The following ERBB4 variants were observed in gnomAD, a reference collection of about 807,000 sequenced individuals.
ERBB4 encodes receptor tyrosine-protein kinase erbB-4.
A neutral mutation model predicts 158.0 loss-of-function variants in ERBB4; 42 were observed. The ratio of observed to expected loss-of-function variants is 0.27; its 90% confidence interval spans 0.21 to 0.34. The LOEUF (loss-of-function observed/expected upper bound fraction) is 0.34, where lower values mean the gene tolerates loss of function less well. ERBB4 is among the 10% of genes least tolerant of loss of function. The pLI is 1.00. For synonymous variants in ERBB4, 583 were observed against 558.7 expected (o/e 1.04, Z -0.61); for missense variants, 1,333 against 1,624.1 (o/e 0.82, Z 3.08).
At position 211,702,008 on chromosome 2, in the gene ERBB4, T is replaced by C; in HGVS notation, c.1448A>G (p.Gln483Arg). The change falls in exon 12 of 28, where the codon CAG becomes CGG. Residue 483 changes from glutamine (Q) to arginine (R), a missense_variant. Gln to Arg is a conservative substitution (Grantham distance 43, BLOSUM62 1). Transcript: ENST00000342788. Reference sequence around the variant, plus strand: ...TCTGTTGTCCCGGATTACTATTCTCTGGTTGATTGTGCTGAAGAGTGTTGT... The same window carrying C: ...TCTGTTGTCCCGGATTACTATTCTCCGGTTGATTGTGCTGAAGAGTGTTGT... ...NWTTLFSTIN[Q>R]RIVIRDNRKA... 6.2e-7 allele frequency: 1 copy of C among 1,614,050 alleles called. No individual in the cohort carries two copies. Among genetic ancestry groups the C allele is most frequent in the Non-Finnish European group, 8.5e-7 (1 of 1,179,926 alleles).
chr2:211,599,018 T>G lies in ERBB4; in HGVS notation c.2301+20159A>C, dbSNP rs569862821. Among the ~76,000 whole-genome samples, 9 of 152,300 alleles carry G rather than the reference T, an allele frequency of 5.9e-5. No individual in the cohort carries two copies. The East Asian group carries it at 1.7e-3, about 29-fold the overall frequency. On this transcript the variant is annotated intron_variant, in intron 19 of 27. Coordinates refer to ENST00000342788, the MANE Select transcript of ERBB4 (RefSeq NM_005235.3). Reference sequence around the variant, plus strand: ...TTGTGTCTTCATTGTGTATCACCTATTTTACAGATTGTTGTGAGATTAAAC... The same window carrying G: ...TTGTGTCTTCATTGTGTATCACCTAGTTTACAGATTGTTGTGAGATTAAAC...
chr2:212,084,395 A>G (rs1420909852), intron 2 of ERBB4, among the ~76,000 whole-genome samples: 1 of 151,992 alleles, frequency 6.6e-6, no homozygotes, highest in Non-Finnish European at 1.5e-5. Flanking sequence ...AAAATTCACA[A>G]GAGGAAAGAA....
intron 1 of ERBB4, among the ~76,000 whole-genome samples, chr2:212,297,085 C>A (rs949786247): frequency 2.0e-5 from 3 of 151,898 alleles, no homozygotes; most frequent in African/African-American, 4.8e-5. Flanking sequence ...AATTTTAAGT[C>A]AACTTACAAA....
At chr2:211,777,277 G>A (rs73985870) in intron 4 of ERBB4, 21,212 of 152,024 alleles carry the variant, frequency 0.14, 1,677 homozygotes, top group South Asian at 0.33. Context: ...CAACAAACCT[G>A]AACATCCTCC....
At chr2:211,891,755 A>T (rs2078974893) in intron 3 of ERBB4, among the ~76,000 whole-genome samples, 1 of 139,686 alleles carries the variant, frequency 7.2e-6, no homozygotes, top group African/African-American at 2.9e-5. Context: ...AATACAAACT[A>T]CCATCAGAGA....
chr2:212,340,048 T>C (rs1056383383), intron 1 of ERBB4, among the ~76,000 whole-genome samples: 6 of 20,660 alleles, frequency 2.9e-4, no homozygotes, highest in Non-Finnish European at 9.2e-4. Flanking sequence ...ATTAATATTC[T>C]TTTTTTTTTT....
intron 20 of ERBB4, among the ~76,000 whole-genome samples, chr2:211,540,455 G>A (rs567942420): frequency 6.6e-6 from 1 of 152,056 alleles, no homozygotes; most frequent in Non-Finnish European, 1.5e-5. Context: ...ACCTGATGGG[G>A]ACTGAAAAGG....
At chr2:211,519,134 G>T (rs1339614104) in intron 20 of ERBB4, among the ~76,000 whole-genome samples, 1 of 151,998 alleles carries the variant, frequency 6.6e-6, no homozygotes, top group African/African-American at 2.4e-5. Context: ...TCTGTCAGTG[G>T]CTCCGTCCAA....
intron 17 of ERBB4, among the ~76,000 whole-genome samples, chr2:211,625,071 A>C (rs1411019932): frequency 1.3e-5 from 2 of 151,892 alleles, no homozygotes; most frequent in Non-Finnish European, 2.9e-5. Flanking sequence ...GGCATATGTG[A>C]GAAAAAAAAA....
intron 2 of ERBB4, among the ~76,000 whole-genome samples, chr2:211,994,974 T>C (rs917758010): frequency 2.6e-5 from 4 of 152,184 alleles, no homozygotes; most frequent in Non-Finnish European, 4.4e-5. Flanking sequence ...ATTCTGGGAA[T>C]TCTCTGATGT....
chr2:211,665,316 T>C lies in ERBB4; in HGVS notation c.1871+7A>G, dbSNP rs1165064685. The C allele has an allele frequency of 6.2e-7, 1 of 1,613,952 alleles. No homozygotes were observed. Among genetic ancestry groups the C allele is most frequent in the Admixed American group, 1.7e-5 (1 of 59,996 alleles). ...CAGGTGAGCCCTTGGCCAGCAAGAA[T>C]GCTTACCCTTGGGTGCAGTTTGGAT... On this transcript the variant is annotated splice_region_variant and intron_variant, in intron 15 of 27. Coordinates refer to ENST00000342788, the MANE Select transcript of ERBB4 (RefSeq NM_005235.3).
chr2:212,025,933 C>T (rs1040714330), intron 2 of ERBB4, among the ~76,000 whole-genome samples: 2 of 151,720 alleles, frequency 1.3e-5, no homozygotes, highest in African/African-American at 4.8e-5. Context: ...AATCTCTGAA[C>T]TTCTCTGAAG....
chr2:211,550,273 A>G (rs1035595105), intron 20 of ERBB4, among the ~76,000 whole-genome samples: 7 of 151,932 alleles, frequency 4.6e-5, no homozygotes, highest in African/African-American at 1.4e-4. Context: ...ACATTTATTC[A>G]TCATATAACT....
At chr2:212,392,477 A>G (rs1388486358) in intron 1 of ERBB4, among the ~76,000 whole-genome samples, 1 of 152,058 alleles carries the variant, frequency 6.6e-6, no homozygotes, top group East Asian at 1.9e-4. Context: ...CATTCAATAA[A>G]CATTATTAAA....
At chr2:212,014,348 A>G (rs1319188545) in intron 2 of ERBB4, among the ~76,000 whole-genome samples, 6 of 152,228 alleles carry the variant, frequency 3.9e-5, no homozygotes, top group Non-Finnish European at 5.9e-5. Flanking sequence ...GCCTGCTTAG[A>G]AAGTAGTTCA....
chr2:212,084,571 C>T (rs985598060), intron 2 of ERBB4, among the ~76,000 whole-genome samples: 1 of 151,840 alleles, frequency 6.6e-6, no homozygotes, highest in Non-Finnish European at 1.5e-5. Context: ...TCTTGATTAC[C>T]CATGGGGAAA....
At chr2:212,519,997 A>G (rs992386533) in intron 1 of ERBB4, among the ~76,000 whole-genome samples, 21 of 152,150 alleles carry the variant, frequency 1.4e-4, no homozygotes, top group African/African-American at 3.8e-4. Flanking sequence ...TATACAACAT[A>G]TGCAGGTACT....
At chr2:212,510,859 G>T (rs1293508687) in intron 1 of ERBB4, among the ~76,000 whole-genome samples, 1 of 151,968 alleles carries the variant, frequency 6.6e-6, no homozygotes, top group East Asian at 1.9e-4. Flanking sequence ...TTAATAAATA[G>T]AAAACTAAAG....
chr2:211,502,105 C>A (rs12989448), intron 20 of ERBB4, among the ~76,000 whole-genome samples: 34,340 of 152,020 alleles, frequency 0.23, 4,329 homozygotes, highest in East Asian at 0.38. Flanking sequence ...GATATTACAG[C>A]AAGCAGATTG....
Sources: gnomAD v4.1 joint callset for allele counts (sites outside exome capture counted in the v4.1 genomes callset) on GRCh38, gnomAD v4.1.1 for gene constraint, MANE v1.5 for transcripts, NCBI Gene and HGNC (gene_info 2026-07-23, HGNC 2026-07-21) for gene names.